The following PSTPIP1 variants were observed in gnomAD, a reference collection of about 807,000 sequenced individuals.
The protein encoded by PSTPIP1 is proline-serine-threonine phosphatase interacting protein 1.
A neutral mutation model predicts 69.6 loss-of-function variants in PSTPIP1; 66 were observed. That is an observed-to-expected ratio of 0.95 (90% CI 0.78 to 1.16). The LOEUF is 1.16. Ranked by LOEUF, PSTPIP1 falls within the 50% of genes most tolerant of loss-of-function variation. The probability of loss-of-function intolerance (pLI) is 0.00; values close to 1 mark genes in which losing one functional copy is unlikely to be tolerated. For synonymous variants in PSTPIP1, 266 were observed against 222.7 expected (o/e 1.19, Z -1.73); for missense variants, 603 against 557.4 (o/e 1.08, Z -0.82).
intron 6 of PSTPIP1, 80 bp from the exon 7 acceptor site, chr15:77,028,474 C>T: frequency 8.0e-7 from 1 of 1,248,094 alleles, no homozygotes; most frequent in African/African-American, 1.5e-5. Context: ...AAAAGGGAGG[C>T]TGGGCTAAGG....
chr15:77,018,500 G>T lies in PSTPIP1; in HGVS notation c.181G>T (p.Ala61Ser), dbSNP rs568503340. 6.3e-7 allele frequency: 1 copy of T among 1,580,530 alleles called. No individual in the cohort carries two copies. The highest frequency in any genetic ancestry group is 8.6e-7 in the Non-Finnish European group (1 of 1,163,274). The change falls in exon 3 of 15, where the codon GCA (alanine) becomes TCA (serine). Residue 61 changes from alanine (A) to serine (S), a missense_variant. Physicochemically the swap from Ala to Ser is moderately conservative, Grantham distance 99. Transcript: ENST00000558012. ...ERYGKELVQI[A>S]RKAGGQTEIN... ...GTACGGGAAGGAGCTGGTGCAGATC[G>T]CACGGAAGGCAGGTGGCCAGACGGA...
At chr15:77,000,876 T>C (rs907781400) in intron 1 of PSTPIP1, among the ~76,000 whole-genome samples, 3 of 152,144 alleles carry the variant, frequency 2.0e-5, no homozygotes, top group Non-Finnish European at 4.4e-5. Flanking sequence ...TTAAATTTTA[T>C]TTTAAATTGT....
rs762321048 is a variant in PSTPIP1, at chr15:76,995,546, T to A, written c.-28T>A. 11 of 1,613,110 alleles carry A rather than the reference T, an allele frequency of 6.8e-6. No homozygotes were observed. The highest frequency in any genetic ancestry group is 4.2e-6 in the Non-Finnish European group (5 of 1,179,746). ...ATCAGGCCAGCCTGTGGCAGGAGAG[T>A]GAGCTTTGCCGCGGCAGACGCCTGA... On this transcript the variant is annotated 5_prime_UTR_variant, in exon 1 of 15. Coordinates refer to ENST00000558012, the MANE Select transcript of PSTPIP1 (RefSeq NM_003978.5).
At chr15:76,996,304 A>G (rs2075578036) in intron 1 of PSTPIP1, among the ~76,000 whole-genome samples, 1 of 152,246 alleles carries the variant, frequency 6.6e-6, no homozygotes, top group African/African-American at 2.4e-5. Flanking sequence ...GTAGAGGTAA[A>G]GTGGCTTGGC....
At chr15:77,026,307 C>T (rs995642349) in intron 5 of PSTPIP1, 4 of 423,414 alleles carry the variant, frequency 9.4e-6, no homozygotes, top group South Asian at 6.9e-5. Context: ...GGGGGCTGAG[C>T]CTCTCAGGGC....
rs149757299 is a variant in PSTPIP1, at chr15:77,026,865, C to G, written c.355-987C>G. On this transcript the variant is annotated intron_variant, in intron 5 of 14. Coordinates refer to ENST00000558012, the MANE Select transcript of PSTPIP1 (RefSeq NM_003978.5). ...CCCGGCCCTGCTATTTTGGGCCCTCCTGTGGCCAGAGGAGCTGCACTGGCT... is the reference window on the plus strand; with the variant it reads ...CCCGGCCCTGCTATTTTGGGCCCTCGTGTGGCCAGAGGAGCTGCACTGGCT... Among the ~76,000 whole-genome samples the G allele has an allele frequency of 7.2e-3, 1,094 of 152,362 alleles. 32 individuals carry two copies. Among genetic ancestry groups the G allele is most frequent in the Admixed American group, 0.05 (760 of 15,300 alleles).
intron 1 of PSTPIP1, among the ~76,000 whole-genome samples, chr15:77,002,253 T>C (rs903066005): frequency 6.6e-6 from 1 of 152,162 alleles, no homozygotes; most frequent in African/African-American, 2.4e-5. Flanking sequence ...CCCACCTAGG[T>C]CTGTCGAACT....
intron 1 of PSTPIP1, among the ~76,000 whole-genome samples, chr15:77,012,412 CCCATCCACCCAT>C (rs1445773228): frequency 1.6e-5 from 2 of 121,244 alleles, no homozygotes; most frequent in Non-Finnish European, 3.5e-5. Flanking sequence ...CACCCATCTA[CCCATCCACCCAT>C]CCATCCACCC....
chr15:77,031,050 T>C (rs2076403404), intron 9 of PSTPIP1, 130 bp from the exon 10 acceptor site: 1 of 874,372 alleles, frequency 1.1e-6, no homozygotes, highest in Admixed American at 2.2e-5. Context: ...CAGGGCACTC[T>C]CTCCTTTGGA....
chr15:77,031,297 G>GGT lies in PSTPIP1; in HGVS notation c.741+23_741+24dup. 1 of 1,610,064 alleles carries GGT rather than the reference G, an allele frequency of 6.2e-7. No homozygotes were observed. The highest frequency in any genetic ancestry group is 1.1e-5 in the South Asian group (1 of 90,884). On this transcript the variant is annotated intron_variant, in intron 10 of 14. Transcript: ENST00000558012. ...TGATGAGGTGGGGGCTGAGGGCCTT[G>GGT]GTGTGGGGTAAGGTAGGGCAGCCTC...
chr15:77,028,133 G>GTCCCGGGCC (rs1338529518), intron 6 of PSTPIP1, among the ~76,000 whole-genome samples: 6 of 152,304 alleles, frequency 3.9e-5, no homozygotes, highest in East Asian at 3.9e-4. Context: ...CCCTTGTGGG[G>GTCCCGGGCC]CTCGTGAATG....
intron 8 of PSTPIP1, 72 bp downstream of exon 8, chr15:77,029,646 C>T: frequency 6.9e-7 from 1 of 1,442,898 alleles, no homozygotes; most frequent in East Asian, 2.5e-5. Context: ...CACCTCCTCA[C>T]CCTGGGGACA....
intron 1 of PSTPIP1, among the ~76,000 whole-genome samples, chr15:77,005,007 C>T (rs2152667804): frequency 6.6e-6 from 1 of 152,182 alleles, no homozygotes; most frequent in East Asian, 1.9e-4. Flanking sequence ...AGGACCTGGA[C>T]ATCAGTATTT....
Position 77,028,544 on chromosome 15 carries a change from A to T in PSTPIP1, c.418-10A>T. 6.3e-7 allele frequency: 1 copy of T among 1,592,648 alleles called. No homozygotes were observed. Among genetic ancestry groups the T allele is most frequent in the Non-Finnish European group, 8.5e-7 (1 of 1,170,522 alleles). ...TGCAGCCCCCAAGTCACGCCCCTCC[A>T]CACCCCCAGTCCAAGAAGACATACG... On this transcript the variant is annotated splice_polypyrimidine_tract_variant and intron_variant, in intron 6 of 14. Transcript: ENST00000558012.
At chr15:77,033,083 T>A in intron 12 of PSTPIP1, 131 bp downstream of exon 12, 3 of 895,260 alleles carry the variant, frequency 3.4e-6, no homozygotes, top group Non-Finnish European at 5.2e-6. Context: ...CCAGTTTAGG[T>A]GCTGGGCACT....
At chr15:77,030,927 C>G (rs1477652230) in intron 9 of PSTPIP1, among the ~76,000 whole-genome samples, 1 of 152,236 alleles carries the variant, frequency 6.6e-6, no homozygotes, top group African/African-American at 2.4e-5. Context: ...CTCTCACTAC[C>G]CTTCTGCCTC....
chr15:77,030,081 C>T (rs1188045527), intron 8 of PSTPIP1, among the ~76,000 whole-genome samples: 1 of 152,136 alleles, frequency 6.6e-6, no homozygotes, highest in African/African-American at 2.4e-5. Context: ...TGGGACTCAG[C>T]TACTCCCTCG....
At chr15:77,017,999 C>G in intron 1 of PSTPIP1, 149 bp from the exon 2 acceptor site, 1 of 706,272 alleles carries the variant, frequency 1.4e-6, no homozygotes, top group Admixed American at 2.6e-5. Context: ...TGTGTAAAGC[C>G]AGGTCTGGAG....
chr15:77,035,729 C>A (rs978391334), intron 13 of PSTPIP1, 73 bp from the exon 14 acceptor site: 18 of 1,529,682 alleles, frequency 1.2e-5, no homozygotes, highest in Non-Finnish European at 1.6e-5. Flanking sequence ...CATGGAGAAA[C>A]CCCATTCTAG....
Sources: gnomAD v4.1 joint callset for allele counts (sites outside exome capture counted in the v4.1 genomes callset) on GRCh38, gnomAD v4.1.1 for gene constraint, MANE v1.5 for transcripts, NCBI Gene and HGNC (gene_info 2026-07-23, HGNC 2026-07-21) for gene names.